Variants in GRM7 observed in about 807,000 individuals in gnomAD.
The protein encoded by GRM7 is metabotropic glutamate receptor 7.
Under a neutral mutation model 84.5 loss-of-function variants are expected in GRM7, and 35 were observed. The ratio of observed to expected loss-of-function variants is 0.41; its 90% CI spans 0.32 to 0.55. GRM7 has a LOEUF of 0.55. Ranked by LOEUF, GRM7 falls within the 20% of genes least tolerant of loss-of-function variation. GRM7 has a pLI of 0.19. For missense variants in GRM7, 1,003 were observed against 1,194.6 expected (o/e 0.84, Z 2.36); for synonymous variants, 487 against 455.1 (o/e 1.07, Z -0.89).
At chr3:7,717,400 G>A (rs532428824) in intron 9 of GRM7, among the ~76,000 whole-genome samples, 22 of 152,156 alleles carry the variant, frequency 1.4e-4, no homozygotes, top group South Asian at 6.2e-4. Flanking sequence ...AGGTGGTTGC[G>A]GAAGGTCTAG....
In GRM7 at chr3:7,573,459, G is replaced by A. The variant is rs141048303; in HGVS notation, c.1516-4963G>A. Among the ~76,000 whole-genome samples, 28 of 152,192 alleles carry A rather than the reference G, an allele frequency of 1.8e-4. No homozygotes were observed. The East Asian group carries it at 5.4e-3, about 29-fold the overall frequency. On this transcript the variant is annotated intron_variant, in intron 7 of 9. Coordinates refer to ENST00000357716, the MANE Select transcript of GRM7 (RefSeq NM_000844.4). ...TTTTAGATAGAGTGTGTCTGCGTGG[G>A]GAAAGGAACAGATCTCTTCTCCATA... is the stretch of plus-strand genomic sequence containing the variant.
chr3:7,304,192 A>G (rs1700106117), intron 3 of GRM7, among the ~76,000 whole-genome samples: 1 of 152,002 alleles, frequency 6.6e-6, no homozygotes, highest in Non-Finnish European at 1.5e-5. Flanking sequence ...TAATAGAGCT[A>G]CTGAACAAAT....
At chr3:7,617,851 C>A (rs1039565246) in intron 8 of GRM7, among the ~76,000 whole-genome samples, 2 of 152,024 alleles carry the variant, frequency 1.3e-5, no homozygotes, top group African/African-American at 4.8e-5. Context: ...TTAAGTCAAT[C>A]AAAACAATTT....
intron 8 of GRM7, among the ~76,000 whole-genome samples, chr3:7,580,326 G>T (rs1176066810): frequency 1.3e-5 from 2 of 152,176 alleles, no homozygotes; most frequent in African/African-American, 2.4e-5. Flanking sequence ...CTGCAAAGAG[G>T]GCTTAGGGAT....
chr3:7,650,786 C>T (rs1442073821), intron 8 of GRM7, among the ~76,000 whole-genome samples: 1 of 152,162 alleles, frequency 6.6e-6, no homozygotes, highest in Non-Finnish European at 1.5e-5. Flanking sequence ...GGCACAATCT[C>T]GGCTGACTGC....
At chr3:7,120,235 C>T (rs1459310601) in intron 1 of GRM7, among the ~76,000 whole-genome samples, 1 of 151,924 alleles carries the variant, frequency 6.6e-6, no homozygotes, top group Admixed American at 6.6e-5. Flanking sequence ...ACCTATTAGT[C>T]AAGAACGGGA....
intron 7 of GRM7, among the ~76,000 whole-genome samples, chr3:7,534,673 A>G (rs1323481322): frequency 6.6e-6 from 1 of 152,132 alleles, no homozygotes; most frequent in Non-Finnish European, 1.5e-5. Context: ...AGGAGCTATA[A>G]TAAACAGGGC....
At chr3:7,074,614 T>G (rs73808638) in intron 1 of GRM7, among the ~76,000 whole-genome samples, 20,882 of 152,212 alleles carry the variant, frequency 0.14, 2,110 homozygotes, top group African/African-American at 0.29. Context: ...ACTGTATTTT[T>G]TATGTTTTAC....
intron 7 of GRM7, among the ~76,000 whole-genome samples, chr3:7,535,603 C>T (rs944296303): frequency 6.6e-6 from 1 of 152,234 alleles, no homozygotes; most frequent in Non-Finnish European, 1.5e-5. Flanking sequence ...AACACTTAAC[C>T]TCCATATGCT....
intron 1 of GRM7, among the ~76,000 whole-genome samples, chr3:7,030,466 T>C (rs1204045300): frequency 1.3e-5 from 2 of 152,202 alleles, no homozygotes; most frequent in African/African-American, 4.8e-5. Context: ...AGTTTAAATA[T>C]GTGAAGTTTG....
intron 7 of GRM7, among the ~76,000 whole-genome samples, chr3:7,528,797 G>C (rs898683688): frequency 1.3e-5 from 2 of 151,864 alleles, no homozygotes; most frequent in Non-Finnish European, 2.9e-5. Context: ...AGGACAAATT[G>C]TTTAGTTTCC....
chr3:7,022,339 A>T (rs1384687891), intron 1 of GRM7, among the ~76,000 whole-genome samples: 1 of 149,052 alleles, frequency 6.7e-6, no homozygotes, highest in Non-Finnish European at 1.5e-5. Flanking sequence ...AAAAAAAAAT[A>T]ATAAAATATA....
At chr3:7,275,361 A>G (rs1027523628) in intron 2 of GRM7, among the ~76,000 whole-genome samples, 2 of 152,126 alleles carry the variant, frequency 1.3e-5, no homozygotes, top group Admixed American at 6.6e-5. Context: ...CCTGATAGCT[A>G]GGCATGATGT....
chr3:7,016,441 G>C (rs1054605925), intron 1 of GRM7, among the ~76,000 whole-genome samples: 1 of 152,160 alleles, frequency 6.6e-6, no homozygotes, highest in African/African-American at 2.4e-5. Context: ...AGGGGAAACA[G>C]AAATTGAGGA....
At chr3:7,104,374 T>C (rs765659261) in intron 1 of GRM7, among the ~76,000 whole-genome samples, 1 of 151,782 alleles carries the variant, frequency 6.6e-6, no homozygotes, top group African/African-American at 2.4e-5. Flanking sequence ...TGTGAAAATA[T>C]AAATTTTTGA....
chr3:7,097,246 T>G (rs571048238), intron 1 of GRM7, among the ~76,000 whole-genome samples: 22 of 152,190 alleles, frequency 1.4e-4, no homozygotes, highest in African/African-American at 4.6e-4. Context: ...GTGAATATTG[T>G]GCCTACACAT....
At chr3:7,484,062 A>G (rs1167266560) in intron 7 of GRM7, among the ~76,000 whole-genome samples, 4 of 152,214 alleles carry the variant, frequency 2.6e-5, no homozygotes, top group South Asian at 2.1e-4. Flanking sequence ...ATCTGATTCT[A>G]TAATTAGTTT....
chr3:7,440,748 T>C (rs1412436192), intron 5 of GRM7, among the ~76,000 whole-genome samples: 2 of 152,200 alleles, frequency 1.3e-5, no homozygotes, highest in African/African-American at 4.8e-5. Context: ...GTTTAATGTT[T>C]GGTTTTCTGT....
At chr3:7,332,372 G>T (rs1310009599) in intron 4 of GRM7, among the ~76,000 whole-genome samples, 1 of 152,120 alleles carries the variant, frequency 6.6e-6, no homozygotes, top group African/African-American at 2.4e-5. Flanking sequence ...GCAGCCTTCT[G>T]TTTCCATACA....
Sources: allele counts gnomAD v4.1 joint callset (sites outside exome capture counted in the v4.1 genomes callset), GRCh38; gene constraint gnomAD v4.1.1; transcripts MANE v1.5; gene names NCBI Gene and HGNC (gene_info 2026-07-23, HGNC 2026-07-21).